LRMDA: variants seen among roughly 807,000 people sequenced by gnomAD.
LRMDA encodes leucine rich melanocyte differentiation associated.
In LRMDA, 18 loss-of-function variants were observed where a neutral mutation model predicts 29.8. The observed-to-expected ratio is 0.60, with a 90% CI of 0.42 to 0.90. The LOEUF is 0.90. Ranked by LOEUF, LRMDA falls within the 40% of genes least tolerant of loss-of-function variation. The pLI is 0.00. For missense variants in LRMDA, 273 were observed against 273.9 expected (o/e 1.00, Z 0.02); for synonymous variants, 125 against 109.4 (o/e 1.14, Z -0.89).
intron 2 of LRMDA, among the ~76,000 whole-genome samples, chr10:75,910,920 T>C (rs940827344): frequency 6.6e-6 from 1 of 152,230 alleles, no homozygotes; most frequent in Non-Finnish European, 1.5e-5. Context: ...GATTTTCTTT[T>C]TGTGGTTTAG....
intron 2 of LRMDA, among the ~76,000 whole-genome samples, chr10:75,588,592 C>A (rs956523317): frequency 4.6e-5 from 7 of 152,220 alleles, no homozygotes; most frequent in Non-Finnish European, 8.8e-5. Context: ...AATATCCTAG[C>A]ACTCTGTGAG....
intron 6 of LRMDA, among the ~76,000 whole-genome samples, chr10:76,520,602 G>C (rs1184506774): frequency 6.6e-6 from 1 of 151,826 alleles, no homozygotes; most frequent in East Asian, 1.9e-4. Flanking sequence ...CTGTTTGTTT[G>C]GAAAGGTAGA....
intron 5 of LRMDA, among the ~76,000 whole-genome samples, chr10:76,059,664 C>T (rs1019453053): frequency 1.3e-5 from 2 of 152,150 alleles, no homozygotes; most frequent in Non-Finnish European, 2.9e-5. Flanking sequence ...CTAGTTTATC[C>T]TCAGCTATTG....
intron 6 of LRMDA, among the ~76,000 whole-genome samples, chr10:76,355,862 C>T (rs1308677694): frequency 6.6e-6 from 1 of 152,112 alleles, no homozygotes; most frequent in East Asian, 1.9e-4. Context: ...GAACCTGGCC[C>T]ACATTCAGGG....
In LRMDA at chr10:76,240,193, C is replaced by CCA. The variant is rs561810447; in HGVS notation, c.517-84192_517-84191dup. Among the ~76,000 whole-genome samples the CCA allele has an allele frequency of 3.3e-3, 472 of 143,658 alleles. 21 individuals are homozygous for CCA. The East Asian group carries it at 0.066, about 20-fold the overall frequency. The allele number at this position is 143,658 out of a possible 152,430, so 94.2% of individuals were successfully genotyped here. On this transcript the variant is annotated intron_variant, in intron 5 of 6. Transcript: ENST00000611255. ...TCAAAATCGCATACACACACACACA[C>CCA]CACACACACACACACACCACACACA...
intron 6 of LRMDA, among the ~76,000 whole-genome samples, chr10:76,375,239 G>T (rs544367492): frequency 6.6e-6 from 1 of 152,136 alleles, no homozygotes; most frequent in African/African-American, 2.4e-5. Context: ...TACCCAAGTT[G>T]TTGGATGTTA....
intron 5 of LRMDA, among the ~76,000 whole-genome samples, chr10:76,083,654 C>A (rs560402663): frequency 1.1e-4 from 16 of 152,186 alleles, no homozygotes; most frequent in African/African-American, 3.9e-4. Context: ...CATGGTGAAA[C>A]CCCGTCTCTA....
intron 2 of LRMDA, among the ~76,000 whole-genome samples, chr10:75,499,885 G>A (rs1366409878): frequency 6.6e-6 from 1 of 152,144 alleles, no homozygotes; most frequent in African/African-American, 2.4e-5. Flanking sequence ...GAAGAAACTT[G>A]GTTCCTTCCC....
intron 2 of LRMDA, among the ~76,000 whole-genome samples, chr10:75,550,038 T>A (rs914005436): frequency 6.6e-6 from 1 of 152,232 alleles, no homozygotes; most frequent in Non-Finnish European, 1.5e-5. Flanking sequence ...CTTGACACAT[T>A]CACCATTTGA....
At chr10:76,151,383 T>A (rs1443979755) in intron 5 of LRMDA, among the ~76,000 whole-genome samples, 1 of 152,190 alleles carries the variant, frequency 6.6e-6, no homozygotes, top group African/African-American at 2.4e-5. Context: ...CTCAGTTACC[T>A]CTATTCCATT....
At chr10:75,542,142 A>C (rs975144808) in intron 2 of LRMDA, among the ~76,000 whole-genome samples, 1 of 152,216 alleles carries the variant, frequency 6.6e-6, no homozygotes, top group East Asian at 1.9e-4. Context: ...CCAAAACCTG[A>C]CAAAGGGTGC....
At chr10:75,502,399 C>T (rs1452436987) in intron 2 of LRMDA, among the ~76,000 whole-genome samples, 2 of 151,502 alleles carry the variant, frequency 1.3e-5, no homozygotes, top group Non-Finnish European at 2.9e-5. Flanking sequence ...GTCCAGAGAA[C>T]AAGTTATATA....
At chr10:75,988,971 C>A (rs554134016) in intron 2 of LRMDA, among the ~76,000 whole-genome samples, 371 of 152,330 alleles carry the variant, frequency 2.4e-3, no homozygotes, top group African/African-American at 8.2e-3. Flanking sequence ...TTGAGAATGA[C>A]CCCTTCTCCC....
At chr10:76,146,228 T>A (rs2132157990) in intron 5 of LRMDA, among the ~76,000 whole-genome samples, 1 of 152,212 alleles carries the variant, frequency 6.6e-6, no homozygotes, top group Non-Finnish European at 1.5e-5. Flanking sequence ...AGAGCTGAGA[T>A]CAATTCCTGG....
intron 2 of LRMDA, among the ~76,000 whole-genome samples, chr10:75,748,891 A>T (rs1842920130): frequency 6.6e-6 from 1 of 152,182 alleles, no homozygotes; most frequent in Non-Finnish European, 1.5e-5. Context: ...TTTATATCTG[A>T]TATATACATT....
At chr10:75,698,908 C>T (rs142043435) in intron 2 of LRMDA, among the ~76,000 whole-genome samples, 1,992 of 152,132 alleles carry the variant, frequency 0.013, 23 homozygotes, top group Non-Finnish European at 0.018. Flanking sequence ...TACAAAAATT[C>T]AAACTTTCTG....
At chr10:76,324,250 T>C in intron 5 of LRMDA, 151 bp from the exon 6 acceptor site, 1 of 723,326 alleles carries the variant, frequency 1.4e-6, no homozygotes. Context: ...GAATATTATC[T>C]CAACAAAAAC....
At chr10:75,616,295 A>G (rs771687343) in intron 2 of LRMDA, among the ~76,000 whole-genome samples, 17 of 152,234 alleles carry the variant, frequency 1.1e-4, no homozygotes, top group African/African-American at 3.1e-4. Context: ...TAGTAGTAGT[A>G]GTGGTGGTGG....
At chr10:76,227,343 A>T (rs1851977739) in intron 5 of LRMDA, among the ~76,000 whole-genome samples, 1 of 152,124 alleles carries the variant, frequency 6.6e-6, no homozygotes, top group South Asian at 2.1e-4. Flanking sequence ...ATCATCCTAA[A>T]TCTATTCTTA....
Sources: gnomAD v4.1 joint callset for allele counts (sites outside exome capture counted in the v4.1 genomes callset) on GRCh38, gnomAD v4.1.1 for gene constraint, MANE v1.5 for transcripts, NCBI Gene and HGNC (gene_info 2026-07-23, HGNC 2026-07-21) for gene names.